The following SPAG16 variants were observed in gnomAD, a reference collection of about 807,000 sequenced individuals.
The protein encoded by SPAG16 is sperm associated antigen 16.
In SPAG16, 86 loss-of-function variants were observed where a neutral mutation model predicts 80.4. The ratio of observed to expected loss-of-function variants is 1.07; its 90% CI spans 0.90 to 1.28. SPAG16 has a LOEUF of 1.28. SPAG16 is among the 50% of genes most tolerant of loss of function. The probability of loss-of-function intolerance (pLI) is 0.00; values close to 1 mark genes in which losing one functional copy is unlikely to be tolerated. For missense variants in SPAG16, 870 were observed against 765.3 expected (o/e 1.14, Z -1.61); for synonymous variants, 294 against 265.9 (o/e 1.11, Z -1.03).
At chr2:214,116,916 G>C (rs72937993) in intron 14 of SPAG16, among the ~76,000 whole-genome samples, 21,129 of 152,106 alleles carry the variant, frequency 0.14, 2,045 homozygotes, top group Admixed American at 0.19. Context: ...GTGAAGACTG[G>C]AACAAATACC....
chr2:213,373,770 A>G (rs139659148), intron 8 of SPAG16, among the ~76,000 whole-genome samples: 16 of 152,294 alleles, frequency 1.1e-4, no homozygotes, highest in African/African-American at 2.4e-4. Flanking sequence ...TGACCTTCAC[A>G]AGATTATTTA....
intron 15 of SPAG16, chr2:214,240,644 A>C (rs1453825003): frequency 6.6e-6 from 1 of 152,200 alleles, no homozygotes; most frequent in South Asian, 2.1e-4. Context: ...AAATTTAGCT[A>C]TACAATCTAC....
intron 10 of SPAG16, among the ~76,000 whole-genome samples, chr2:213,791,579 T>G (rs1051181400): frequency 2.7e-4 from 41 of 152,170 alleles, no homozygotes; most frequent in Non-Finnish European, 1.9e-4. Flanking sequence ...TGGTCAGAGT[T>G]GCATAAATCT....
intron 13 of SPAG16, among the ~76,000 whole-genome samples, chr2:214,080,733 G>A (rs1213452144): frequency 3.3e-5 from 5 of 151,934 alleles, no homozygotes; most frequent in Non-Finnish European, 5.9e-5. Context: ...TTTATTAGCC[G>A]AAATCTTCAA....
intron 10 of SPAG16, among the ~76,000 whole-genome samples, chr2:213,719,049 A>G (rs1426243534): frequency 6.6e-6 from 1 of 152,126 alleles, no homozygotes; most frequent in African/African-American, 2.4e-5. Context: ...TTGTGAGTGC[A>G]CCAGGCGACA....
At chr2:214,250,557 AAC>A (rs1690177550) in intron 15 of SPAG16, among the ~76,000 whole-genome samples, 1 of 149,582 alleles carries the variant, frequency 6.7e-6, no homozygotes, top group Admixed American at 6.7e-5. Flanking sequence ...TTAATTCAAT[AAC>A]CTTTTGTAAA....
At chr2:213,962,218 G>C (rs1204796033) in intron 12 of SPAG16, among the ~76,000 whole-genome samples, 1 of 150,348 alleles carries the variant, frequency 6.7e-6, no homozygotes, top group Non-Finnish European at 1.5e-5. Flanking sequence ...TTTTGAGATG[G>C]AGTCTCACTC....
chr2:213,622,217 C>T (rs76460598), intron 10 of SPAG16, among the ~76,000 whole-genome samples: 9,120 of 152,138 alleles, frequency 0.06, 892 homozygotes, highest in African/African-American at 0.2. Flanking sequence ...TTGACTCTTA[C>T]GGTCTTAAAG....
At chr2:213,287,796 A>G (rs1398890810) in intron 1 of SPAG16, among the ~76,000 whole-genome samples, 2 of 152,216 alleles carry the variant, frequency 1.3e-5, no homozygotes. Flanking sequence ...TAGACCCTGA[A>G]ATATGAGGAT....
intron 10 of SPAG16, among the ~76,000 whole-genome samples, chr2:213,849,960 G>A (rs996315386): frequency 6.6e-6 from 1 of 152,170 alleles, no homozygotes; most frequent in African/African-American, 2.4e-5. Flanking sequence ...AAGAAGTGCG[G>A]TGATTTAGTA....
chr2:213,913,900 C>A (rs2077824353), intron 11 of SPAG16, among the ~76,000 whole-genome samples: 1 of 151,958 alleles, frequency 6.6e-6, no homozygotes, highest in Admixed American at 6.6e-5. Context: ...ATTTGGGGAC[C>A]TTAGTGTTTC....
At chr2:214,341,997 T>C (rs1412553935) in intron 15 of SPAG16, among the ~76,000 whole-genome samples, 2 of 152,092 alleles carry the variant, frequency 1.3e-5, no homozygotes, top group Non-Finnish European at 1.5e-5. Flanking sequence ...TTCTCTTTTT[T>C]AGTTGGGGAT....
intron 9 of SPAG16, among the ~76,000 whole-genome samples, chr2:213,433,991 G>T (rs1366828482): frequency 7.0e-6 from 1 of 142,968 alleles, no homozygotes; most frequent in Non-Finnish European, 1.5e-5. Context: ...CCCTATTTTG[G>T]CTCACTGCAA....
At chr2:213,788,027 G>A (rs1345668937) in intron 10 of SPAG16, among the ~76,000 whole-genome samples, 1 of 151,842 alleles carries the variant, frequency 6.6e-6, no homozygotes, top group African/African-American at 2.4e-5. Flanking sequence ...AGGACAATTG[G>A]CACTCTTAGG....
intron 12 of SPAG16, among the ~76,000 whole-genome samples, chr2:213,949,497 A>G (rs1404478727): frequency 6.6e-6 from 1 of 151,898 alleles, no homozygotes; most frequent in Non-Finnish European, 1.5e-5. Context: ...TGCGTTTTTT[A>G]CTCATCCAAC....
intron 10 of SPAG16, among the ~76,000 whole-genome samples, chr2:213,536,530 G>T (rs2125902368): frequency 6.6e-6 from 1 of 152,254 alleles, no homozygotes; most frequent in East Asian, 1.9e-4. Flanking sequence ...TCTAACTGGT[G>T]TCAGATGGTA....
chr2:213,362,455 A>G (rs570251577), intron 7 of SPAG16, among the ~76,000 whole-genome samples: 37 of 152,242 alleles, frequency 2.4e-4, no homozygotes, highest in Non-Finnish European at 4.4e-4. Flanking sequence ...CAGAAATGCA[A>G]GGGAAATAGG....
At chr2:214,342,209 A>G (rs903322502) in intron 15 of SPAG16, among the ~76,000 whole-genome samples, 1 of 152,200 alleles carries the variant, frequency 6.6e-6, no homozygotes, top group Non-Finnish European at 1.5e-5. Context: ...GTCCTAAAGC[A>G]GGGGTTACTA....
chr2:213,332,775 A>G (rs2064165673), intron 5 of SPAG16, among the ~76,000 whole-genome samples: 1 of 152,174 alleles, frequency 6.6e-6, no homozygotes, highest in African/African-American at 2.4e-5. Context: ...AACAAAAACC[A>G]TATGTTCATT....
Sources: allele counts gnomAD v4.1 joint callset (sites outside exome capture counted in the v4.1 genomes callset), GRCh38; gene constraint gnomAD v4.1.1; transcripts MANE v1.5; gene names NCBI Gene and HGNC (gene_info 2026-07-23, HGNC 2026-07-21).